COMMD7: variants seen among roughly 807,000 people sequenced by gnomAD.
COMMD7 encodes the protein COMM domain containing 7.
In COMMD7, 28 loss-of-function variants were observed where a neutral mutation model predicts 34.8. The ratio of observed to expected loss-of-function variants is 0.80; its 90% CI spans 0.60 to 1.10. COMMD7 has a LOEUF of 1.10. Among genes scored for constraint, COMMD7 ranks in the 50% least tolerant of loss-of-function variants. The probability of loss-of-function intolerance (pLI) is 0.00; values close to 1 mark genes in which losing one functional copy is unlikely to be tolerated. For missense variants in COMMD7, 211 were observed against 241.6 expected (o/e 0.87, Z 0.84); for synonymous variants, 80 against 86.4 (o/e 0.93, Z 0.41).
intron 1 of COMMD7, among the ~76,000 whole-genome samples, chr20:32,733,310 G>T (rs1985947455): frequency 6.6e-6 from 1 of 151,972 alleles, no homozygotes; most frequent in African/African-American, 2.4e-5. Flanking sequence ...GCCACGCGCG[G>T]TGGCTCACGC....
At chr20:32,732,227 G>A (rs1213172157) in intron 1 of COMMD7, among the ~76,000 whole-genome samples, 1 of 152,076 alleles carries the variant, frequency 6.6e-6, no homozygotes, top group Non-Finnish European at 1.5e-5. Context: ...TGAGATTACA[G>A]GCACATGCCA....
At chr20:32,722,857 T>TA (rs1209543587) in intron 3 of COMMD7, among the ~76,000 whole-genome samples, 1 of 147,244 alleles carries the variant, frequency 6.8e-6, no homozygotes, top group Non-Finnish European at 1.5e-5. Flanking sequence ...CCATCTCTAC[T>TA]AAAAAATACA....
At chr20:32,733,894 G>A (rs1465697075) in intron 1 of COMMD7, among the ~76,000 whole-genome samples, 2 of 139,136 alleles carry the variant, frequency 1.4e-5, no homozygotes, top group Admixed American at 7.2e-5. Context: ...AAAAAAAAAA[G>A]AAGGCCGGGT....
intron 3 of COMMD7, among the ~76,000 whole-genome samples, chr20:32,713,900 G>C (rs1390238192): frequency 6.6e-6 from 1 of 152,188 alleles, no homozygotes; most frequent in African/African-American, 2.4e-5. Context: ...TGGATCTCAA[G>C]GTCAGGAGTT....
In COMMD7 at chr20:32,738,423, T is replaced by A. The variant is rs1412268010; in HGVS notation, c.84+4885A>T. 2.0e-5 allele frequency among the ~76,000 whole-genome samples: 3 copies of A among 152,136 alleles called. No individual in the cohort carries two copies. In the East Asian group the frequency reaches 5.8e-4, roughly 29 times the overall value. ...CCAACATGGTGAAACCTCATCTCTA[T>A]TAAGAATACAAACATGAGCCGGGCA... On this transcript the variant is annotated intron_variant, in intron 1 of 8. Transcript: ENST00000278980.
intron 3 of COMMD7, 31 bp downstream of exon 3, chr20:32,727,862 C>G: frequency 6.6e-7 from 1 of 1,515,336 alleles, no homozygotes; most frequent in Non-Finnish European, 9.2e-7. Flanking sequence ...GTTAATGTCT[C>G]TGGCCACAGC....
intron 3 of COMMD7, among the ~76,000 whole-genome samples, chr20:32,713,316 C>A (rs2145726805): frequency 6.6e-6 from 1 of 152,344 alleles, no homozygotes; most frequent in Admixed American, 6.5e-5. Flanking sequence ...TCCTAAAGTG[C>A]TGGGACTACA....
chr20:32,704,676 G>A (rs1197763277), intron 6 of COMMD7, 138 bp downstream of exon 6: 11 of 794,386 alleles, frequency 1.4e-5, no homozygotes, highest in Non-Finnish European at 2.1e-5. Flanking sequence ...ACTGAATGTG[G>A]ACAGAATACA....
chr20:32,743,237 T>TGGCCCC, intron 1 of COMMD7, 71 bp downstream of exon 1: 2 of 526,958 alleles, frequency 3.8e-6, no homozygotes, highest in Non-Finnish European at 6.3e-6. Flanking sequence ...CCCCCGGACG[T>TGGCCCC]CCCCCCCACC....
At chr20:32,710,970 TG>T (rs1349753143) in intron 3 of COMMD7, among the ~76,000 whole-genome samples, 1 of 152,168 alleles carries the variant, frequency 6.6e-6, no homozygotes, top group Non-Finnish European at 1.5e-5. Context: ...GTAATCCAGC[TG>T]CTCAGGAGGC....
chr20:32,732,136 G>A (rs1490688716), intron 1 of COMMD7, among the ~76,000 whole-genome samples: 2 of 152,172 alleles, frequency 1.3e-5, no homozygotes, highest in African/African-American at 4.8e-5. Flanking sequence ...AGACTGGAGT[G>A]CAGTGGCGCA....
Position 32,728,070 on chromosome 20 carries a change from C to A in COMMD7, c.138+19G>T, listed in dbSNP as rs772379125. 3 of 1,613,768 alleles carry A rather than the reference C, an allele frequency of 1.9e-6. No homozygotes were observed. The highest frequency in any genetic ancestry group is 2.5e-6 in the Non-Finnish European group (3 of 1,179,726). ...CAGGGAGCACGGACCCACTCCCTAA[C>A]ACAGAATGTTTTATTTACCTCTTTT... On this transcript the variant is annotated intron_variant, in intron 2 of 8. Transcript: ENST00000278980.
At chr20:32,709,492 C>T (rs1279723540) in intron 3 of COMMD7, among the ~76,000 whole-genome samples, 3 of 151,684 alleles carry the variant, frequency 2.0e-5, no homozygotes, top group Admixed American at 6.6e-5. Context: ...TGGAGGTTGC[C>T]GTGAGCCGAG....
rs545629558 is a variant in COMMD7, at chr20:32,740,974, CT to C, written c.84+2333del. On this transcript the variant is annotated intron_variant, in intron 1 of 8. Coordinates refer to ENST00000278980, the MANE Select transcript of COMMD7 (RefSeq NM_053041.3). ...CCTGGCCAACATGGTGAAACGCTGT[CT>C]CTACTAAAAATACAAAAATTAGCCA... Among the ~76,000 whole-genome samples, 353 of 152,034 alleles carry C rather than the reference CT, an allele frequency of 2.3e-3. 1 individual carries two copies. The highest frequency in any genetic ancestry group is 8.3e-3 in the African/African-American group (343 of 41,496).
Position 32,736,657 on chromosome 20 carries a change from G to A in COMMD7, c.84+6651C>T, listed in dbSNP as rs990865338. ...TGCACTTCAGCCTGGGTGATACAGCGAGACTCTGACTCAAACAAACAAACA... is the reference window on the plus strand; with the variant it reads ...TGCACTTCAGCCTGGGTGATACAGCAAGACTCTGACTCAAACAAACAAACA... On this transcript the variant is annotated intron_variant, in intron 1 of 8. Transcript: ENST00000278980. Among the ~76,000 whole-genome samples, 5 of 151,918 alleles carry A rather than the reference G, an allele frequency of 3.3e-5. No individual in the cohort carries two copies. In the South Asian group the frequency reaches 6.2e-4, roughly 19 times the overall value.
chr20:32,704,938 A>G (rs1212667288), intron 5 of COMMD7, 34 bp from the exon 6 acceptor site: 3 of 1,495,230 alleles, frequency 2.0e-6, no homozygotes, highest in Non-Finnish European at 1.9e-6. Flanking sequence ...GTCAATTACA[A>G]TAGGAAAATC....
In COMMD7 at chr20:32,733,446, C is replaced by T. The variant is rs549368800; in HGVS notation, c.85-5304G>A. ...CTAAAAATTCAAAAATGGCCTGGAG[C>T]GGTGGCTCACGCCTGTAATCCCAGC... On this transcript the variant is annotated intron_variant, in intron 1 of 8. Transcript: ENST00000278980. Among the ~76,000 whole-genome samples, 6 of 151,844 alleles carry T rather than the reference C, an allele frequency of 4.0e-5. No individual in the cohort carries two copies. The South Asian group carries it at 1.0e-3, about 26-fold the overall frequency.
At chr20:32,712,750 C>CTTTTT (rs568295381) in intron 3 of COMMD7, among the ~76,000 whole-genome samples, 2 of 102,462 alleles carry the variant, frequency 2.0e-5, no homozygotes, top group African/African-American at 3.7e-5. Context: ...GACACGGAGA[C>CTTTTT]TTTTTTTTTT....
chr20:32,741,769 C>A (rs1438516947), intron 1 of COMMD7, among the ~76,000 whole-genome samples: 1 of 152,140 alleles, frequency 6.6e-6, no homozygotes, highest in Non-Finnish European at 1.5e-5. Flanking sequence ...CCATTATAGT[C>A]CAGTTGCCTA....
Sources: gnomAD v4.1 joint callset for allele counts (sites outside exome capture counted in the v4.1 genomes callset) on GRCh38, gnomAD v4.1.1 for gene constraint, MANE v1.5 for transcripts, NCBI Gene and HGNC (gene_info 2026-07-23, HGNC 2026-07-21) for gene names.